TMOD2: variants seen among roughly 807,000 people sequenced by gnomAD.
TMOD2 encodes the protein tropomodulin 2, also known as tropomodulin-2.
In TMOD2, 22 loss-of-function variants were observed where a neutral mutation model predicts 39.9. That is an observed-to-expected ratio of 0.55 (90% CI 0.39 to 0.79). The LOEUF is 0.79. Among genes scored for constraint, TMOD2 ranks in the 30% least tolerant of loss-of-function variants. The pLI is 0.00. For synonymous variants in TMOD2, 123 were observed against 146.1 expected (o/e 0.84, Z 1.14); for missense variants, 386 against 413.3 (o/e 0.93, Z 0.57).
chr15:51,775,601 G>T (rs1463357671), intron 4 of TMOD2, among the ~76,000 whole-genome samples: 1 of 106,030 alleles, frequency 9.4e-6, no homozygotes, highest in Non-Finnish European at 1.8e-5. Context: ...TTTTTGAGAC[G>T]GAGTCTCACT....
At chr15:51,779,858 T>A (rs1373325869) in intron 5 of TMOD2, among the ~76,000 whole-genome samples, 1 of 152,008 alleles carries the variant, frequency 6.6e-6, no homozygotes. Context: ...TTTTTAAAAT[T>A]TATTGTAGAG....
intron 1 of TMOD2, 124 bp from the exon 2 acceptor site, chr15:51,766,249 C>A: frequency 2.2e-6 from 1 of 456,298 alleles, no homozygotes. Context: ...GGGAATATTA[C>A]CTTTTTGTTG....
At position 51,798,284 on chromosome 15, in the gene TMOD2, C is replaced by T. The variant is rs1401565957; in HGVS notation, c.820C>T (p.Leu274=). The change falls in exon 8 of 10, where the codon CTG becomes TTG. Residue 274 remains leucine, a synonymous_variant. Transcript: ENST00000249700. ...NFITGTGILA[L]VEALKENDTL... is the part of the protein sequence containing the mutation. ...TATCACTGGAACTGGGATCCTGGCC[C>T]TGGTAGAGGCACTGAAAGAAAATGA... 1.2e-6 allele frequency: 2 copies of T among 1,613,812 alleles called. No homozygotes were observed. Among genetic ancestry groups the T allele is most frequent in the Admixed American group, 3.3e-5 (2 of 59,974 alleles).
chr15:51,787,934 C>A (rs1452951572), intron 7 of TMOD2, among the ~76,000 whole-genome samples: 1 of 152,172 alleles, frequency 6.6e-6, no homozygotes, highest in Non-Finnish European at 1.5e-5. Context: ...TTCCCAAAAC[C>A]AGAACGCCTC....
At chr15:51,798,108 T>C (rs1408229027) in intron 7 of TMOD2, 89 bp from the exon 8 acceptor site, 2 of 1,143,090 alleles carry the variant, frequency 1.7e-6, no homozygotes, top group Non-Finnish European at 2.4e-6. Flanking sequence ...AGAAAACATC[T>C]GTATTTAATT....
chr15:51,796,404 C>T (rs2056051766), intron 7 of TMOD2, among the ~76,000 whole-genome samples: 1 of 152,034 alleles, frequency 6.6e-6, no homozygotes, highest in Non-Finnish European at 1.5e-5. Flanking sequence ...TGACCTGCCA[C>T]CTTCTCTGCA....
rs1211865050 is a variant in TMOD2 at position 51,811,538 on chromosome 15, A to T, written c.*3084A>T. The T allele has an allele frequency of 1.3e-5, 2 of 152,500 alleles. No homozygotes were observed. The highest frequency in any genetic ancestry group is 4.1e-4 in the South Asian group (2 of 4,836). 9.4% of individuals were successfully genotyped at this position (152,500 alleles called of 1,614,324 possible). ...ACCTTAGAAGTCTAGAAATCATATG[A>T]TTAGTTCAGCACTGCAGCTCCCCAT... On this transcript the variant is annotated 3_prime_UTR_variant, in exon 10 of 10. Transcript: ENST00000249700.
intron 1 of TMOD2, among the ~76,000 whole-genome samples, chr15:51,764,405 C>T (rs919488857): frequency 1.3e-5 from 2 of 152,208 alleles, no homozygotes; most frequent in African/African-American, 4.8e-5. Flanking sequence ...CAAACCTGAA[C>T]ATTGTGAGCC....
chr15:51,782,847 A>G lies in TMOD2; in HGVS notation c.732+19A>G. ...GGCCATTGTGAGTAAAATTCTTAGA[A>G]ATATAACATGAAGTTATTTAATTCA... is the stretch of plus-strand genomic sequence containing the variant. On this transcript the variant is annotated intron_variant, in intron 7 of 9. Coordinates refer to ENST00000249700, the MANE Select transcript of TMOD2 (RefSeq NM_014548.4). 1 of 1,597,358 alleles carries G rather than the reference A, an allele frequency of 6.3e-7. No individual in the cohort carries two copies. The highest frequency in any genetic ancestry group is 8.6e-7 in the Non-Finnish European group (1 of 1,166,728).
chr15:51,770,737 C>G (rs2055848207), intron 3 of TMOD2, among the ~76,000 whole-genome samples: 1 of 152,088 alleles, frequency 6.6e-6, no homozygotes, highest in Non-Finnish European at 1.5e-5. Flanking sequence ...CCCAGGAGTT[C>G]AGGATTGCCA....
chr15:51,763,272 C>G (rs8028890), intron 1 of TMOD2, among the ~76,000 whole-genome samples: 72,821 of 152,010 alleles, frequency 0.48, 17,722 homozygotes, highest in Admixed American at 0.54. Context: ...CTATCATTCA[C>G]ATTGTTTTCA....
At chr15:51,804,743 T>C (rs570144838) in intron 8 of TMOD2, among the ~76,000 whole-genome samples, 127 of 152,004 alleles carry the variant, frequency 8.4e-4, no homozygotes, top group Non-Finnish European at 1.6e-3. Flanking sequence ...CAGCTAGTTT[T>C]TGTACTTTTA....
At chr15:51,773,968 T>A in intron 4 of TMOD2, 134 bp downstream of exon 4, 2 of 997,596 alleles carry the variant, frequency 2.0e-6, no homozygotes, top group Non-Finnish European at 2.9e-6. Context: ...TATGGAGCTG[T>A]AAGTCTTGAT....
chr15:51,785,315 G>A (rs1199500660), intron 7 of TMOD2, among the ~76,000 whole-genome samples: 2 of 150,828 alleles, frequency 1.3e-5, no homozygotes, highest in African/African-American at 2.4e-5. Flanking sequence ...GGGAGACTGA[G>A]GCAGGAGAAT....
At chr15:51,773,859 T>C (rs778854535) in intron 4 of TMOD2, 25 bp downstream of exon 4, 6 of 1,589,540 alleles carry the variant, frequency 3.8e-6, no homozygotes, top group East Asian at 4.5e-5. Flanking sequence ...CTGGGAACTT[T>C]CCTGTCTGGC....
chr15:51,781,092 A>G lies in TMOD2; in HGVS notation c.542A>G (p.Asn181Ser). Residue 181 changes from asparagine to serine, a missense_variant, in exon 6 of 10, where the codon AAT (asparagine) becomes AGT (serine). Physicochemically the swap from Asn to Ser is conservative, Grantham distance 46. Transcript: ENST00000249700. The stretch of plus-strand genomic sequence containing the variant: ...AAGCCAGTATTTGAGGAACCACCAA[A>G]TCCCACAAATGTGGAAATAAGCCTG... ...KVKPVFEEPP[N>S]PTNVEISLQQ... 2.5e-6 allele frequency: 4 copies of G among 1,611,810 alleles called. No individual in the cohort carries two copies. Among genetic ancestry groups the G allele is most frequent in the Non-Finnish European group, 3.4e-6 (4 of 1,179,336 alleles).
chr15:51,802,720 G>C (rs1369878157), intron 8 of TMOD2, among the ~76,000 whole-genome samples: 1 of 152,168 alleles, frequency 6.6e-6, no homozygotes, highest in Non-Finnish European at 1.5e-5. Flanking sequence ...TGCTAAAGTT[G>C]CTCATGAAAC....
chr15:51,795,825 A>ACATC (rs2056047551), intron 7 of TMOD2, among the ~76,000 whole-genome samples: 1 of 151,236 alleles, frequency 6.6e-6, no homozygotes, highest in Non-Finnish European at 1.5e-5. Context: ...GATGTCTATT[A>ACATC]TTTTCTTTTA....
chr15:51,772,211 T>A (rs528174146), intron 3 of TMOD2, among the ~76,000 whole-genome samples: 2 of 152,196 alleles, frequency 1.3e-5, no homozygotes, highest in South Asian at 4.1e-4. Context: ...TGGGTCCCAA[T>A]GGGCGGAAAC....
Sources: allele counts gnomAD v4.1 joint callset (sites outside exome capture counted in the v4.1 genomes callset), GRCh38; gene constraint gnomAD v4.1.1; transcripts MANE v1.5; gene names NCBI Gene and HGNC (gene_info 2026-07-23, HGNC 2026-07-21).